Variants in ZBTB20 observed in about 807,000 individuals in gnomAD.
ZBTB20 encodes the protein zinc finger and BTB domain-containing protein 20.
In ZBTB20, 9 loss-of-function variants were observed where a neutral mutation model predicts 56.9. The observed-to-expected ratio is 0.16, with a 90% CI of 0.10 to 0.28. The LOEUF is 0.28. Among genes scored for constraint, ZBTB20 ranks in the 10% least tolerant of loss-of-function variants. The probability of loss-of-function intolerance (pLI) is 1.00; values close to 1 mark genes in which losing one functional copy is unlikely to be tolerated. For missense variants in ZBTB20, 655 were observed against 1,003.0 expected (o/e 0.65, Z 4.69); for synonymous variants, 417 against 420.7 (o/e 0.99, Z 0.11).
At chr3:114,907,831 A>G (rs2075378516) in intron 3 of ZBTB20, among the ~76,000 whole-genome samples, 1 of 151,928 alleles carries the variant, frequency 6.6e-6, no homozygotes, top group Non-Finnish European at 1.5e-5. Context: ...GAAATTTCTG[A>G]TCTCATGGAG....
At chr3:114,378,346 C>T (rs1032642972) in intron 10 of ZBTB20, among the ~76,000 whole-genome samples, 1 of 152,138 alleles carries the variant, frequency 6.6e-6, no homozygotes, top group African/African-American at 2.4e-5. Context: ...ATCTTAATGG[C>T]AAAATCAAAG....
intron 3 of ZBTB20, among the ~76,000 whole-genome samples, chr3:114,924,908 T>C (rs576351403): frequency 6.6e-6 from 1 of 151,958 alleles, no homozygotes; most frequent in South Asian, 2.1e-4. Context: ...TCCTCCATTA[T>C]ACTGTTAATC....
intron 5 of ZBTB20, among the ~76,000 whole-genome samples, chr3:114,776,676 A>T (rs2069631016): frequency 6.6e-6 from 1 of 152,206 alleles, no homozygotes; most frequent in Non-Finnish European, 1.5e-5. Flanking sequence ...ACAAATGGTA[A>T]CCATTTCAAA....
At chr3:114,787,368 TACACACACACACACACACAC>T in intron 5 of ZBTB20, among the ~76,000 whole-genome samples, 1 of 106,318 alleles carries the variant, frequency 9.4e-6, no homozygotes, top group Non-Finnish European at 1.9e-5. Flanking sequence ...TATATATATA[TACACACACACACACACACAC>T]ACACATATAT....
At chr3:114,865,742 T>C (rs1180345807) in intron 4 of ZBTB20, among the ~76,000 whole-genome samples, 1 of 152,210 alleles carries the variant, frequency 6.6e-6, no homozygotes. Context: ...ACAACCAGTA[T>C]AATTTGAAGG....
Position 114,335,174 on chromosome 3 carries a change from A to G in ZBTB20, c.*3831T>C, listed in dbSNP as rs373979136. On this transcript the variant is annotated 3_prime_UTR_variant, in exon 12 of 12. Coordinates refer to ENST00000675478, the MANE Select transcript of ZBTB20 (RefSeq NM_001348800.3). ...GTTTGGCAAATTCCATTTTAAAATT[A>G]TAAATTGCTAAAAAATGTCCTTTCC... 3 of 152,202 alleles carry G rather than the reference A, an allele frequency of 2.0e-5. No individual in the cohort carries two copies. Among genetic ancestry groups the G allele is most frequent in the African/African-American group, 7.2e-5 (3 of 41,442 alleles). The allele number at this position is 152,202 out of a possible 1,614,324, so 9.4% of individuals were successfully genotyped here. A position where few individuals can be genotyped will look rare whatever the true frequency, so the allele number is the denominator to read the frequency against.
intron 7 of ZBTB20, among the ~76,000 whole-genome samples, chr3:114,449,845 G>A (rs752624741): frequency 6.6e-6 from 1 of 151,982 alleles, no homozygotes; most frequent in South Asian, 2.1e-4. Flanking sequence ...CATTTCACTG[G>A]CAAATTCTCG....
chr3:114,566,391 A>C (rs1197794674), intron 6 of ZBTB20, among the ~76,000 whole-genome samples: 1 of 152,204 alleles, frequency 6.6e-6, no homozygotes, highest in Non-Finnish European at 1.5e-5. Context: ...GCTAAAGAAG[A>C]GGTGGGTGGT....
intron 3 of ZBTB20, among the ~76,000 whole-genome samples, chr3:114,919,994 T>G (rs898126027): frequency 1.3e-5 from 2 of 152,108 alleles, no homozygotes; most frequent in Non-Finnish European, 2.9e-5. Flanking sequence ...TCAGACAAAA[T>G]AGACTATCAG....
chr3:115,092,962 A>G (rs560124958), intron 1 of ZBTB20, among the ~76,000 whole-genome samples: 110 of 152,266 alleles, frequency 7.2e-4, no homozygotes, highest in Middle Eastern at 3.4e-3. Flanking sequence ...ACTTTTAGAT[A>G]GAAAATGCAA....
chr3:114,569,663 C>T (rs2053200320), intron 6 of ZBTB20, among the ~76,000 whole-genome samples: 1 of 152,214 alleles, frequency 6.6e-6, no homozygotes, highest in South Asian at 2.1e-4. Context: ...TACCTGTCTG[C>T]CTACAACCTG....
At position 114,833,559 on chromosome 3, in the gene ZBTB20, T is replaced by C. The variant is rs564980706; in HGVS notation, c.-416-32385A>G. ...TGTTTATTTTTTTTTAGATATGGTT[T>C]CACTCTATCACCTAGGCTGGAGTGC... is the stretch of plus-strand genomic sequence containing the variant. On this transcript the variant is annotated intron_variant, in intron 4 of 11. Coordinates refer to ENST00000675478, the MANE Select transcript of ZBTB20 (RefSeq NM_001348800.3). Among the ~76,000 whole-genome samples, 6 of 152,134 alleles carry C rather than the reference T, an allele frequency of 3.9e-5. No homozygotes were observed. The South Asian group carries it at 1.0e-3, about 26-fold the overall frequency.
At chr3:114,444,366 G>A (rs567991677) in intron 7 of ZBTB20, among the ~76,000 whole-genome samples, 2 of 152,070 alleles carry the variant, frequency 1.3e-5, no homozygotes, top group Admixed American at 6.6e-5. Flanking sequence ...GCATTTGGGT[G>A]CATTTTCCTT....
chr3:114,398,124 T>C (rs959076012), intron 7 of ZBTB20, among the ~76,000 whole-genome samples: 2 of 152,194 alleles, frequency 1.3e-5, no homozygotes, highest in African/African-American at 2.4e-5. Context: ...TCAGGGTCCA[T>C]ATATAAAAAT....
intron 3 of ZBTB20, among the ~76,000 whole-genome samples, chr3:114,946,961 C>T (rs1024581742): frequency 7.6e-5 from 11 of 144,830 alleles, no homozygotes; most frequent in South Asian, 2.1e-4. Context: ...TAAATAACAA[C>T]GACAAAACAA....
chr3:114,375,275 G>A (rs2108484729), intron 10 of ZBTB20, among the ~76,000 whole-genome samples: 1 of 152,170 alleles, frequency 6.6e-6, no homozygotes. Context: ...TTTAAACACG[G>A]CACCATAGAG....
At chr3:114,756,237 C>CT (rs1400130140) in intron 5 of ZBTB20, among the ~76,000 whole-genome samples, 1 of 152,062 alleles carries the variant, frequency 6.6e-6, no homozygotes, top group Non-Finnish European at 1.5e-5. Context: ...AAAATAAAAA[C>CT]TAACCACCTA....
At chr3:114,860,860 A>T (rs1335072277) in intron 4 of ZBTB20, among the ~76,000 whole-genome samples, 2 of 152,216 alleles carry the variant, frequency 1.3e-5, no homozygotes, top group Admixed American at 1.3e-4. Flanking sequence ...TTATGGTTTC[A>T]CTAAAATCAA....
At position 114,470,866 on chromosome 3, in the gene ZBTB20, C is replaced by T. The variant is rs149354798; in HGVS notation, c.-255+29486G>A. 4.6e-3 allele frequency among the ~76,000 whole-genome samples: 696 copies of T among 152,246 alleles called. 25 individuals are homozygous for T. Among genetic ancestry groups the T allele is most frequent in the Admixed American group, 0.027 (420 of 15,298 alleles). On this transcript the variant is annotated intron_variant, in intron 7 of 11. Coordinates refer to ENST00000675478, the MANE Select transcript of ZBTB20 (RefSeq NM_001348800.3). ...ATTCTTAATTATCAGTATTACCTTACGACTCTAAAATTCATCTTTGTCCAG... is the reference window on the plus strand; with the variant it reads ...ATTCTTAATTATCAGTATTACCTTATGACTCTAAAATTCATCTTTGTCCAG...
Sources: allele counts gnomAD v4.1 joint callset (sites outside exome capture counted in the v4.1 genomes callset), GRCh38; gene constraint gnomAD v4.1.1; transcripts MANE v1.5; gene names NCBI Gene and HGNC (gene_info 2026-07-23, HGNC 2026-07-21).